ZBTB4: variants seen among roughly 807,000 people sequenced by gnomAD.
The protein encoded by ZBTB4 is zinc finger and BTB domain-containing protein 4.
ZBTB4 carries 14 observed loss-of-function variants against 59.8 expected under a neutral mutation model. The ratio of observed to expected loss-of-function variants is 0.23; its 90% CI spans 0.15 to 0.37. The LOEUF (loss-of-function observed/expected upper bound fraction) is 0.37, where lower values mean the gene tolerates loss of function less well. Among genes scored for constraint, ZBTB4 ranks in the 10% least tolerant of loss-of-function variants. ZBTB4 has a pLI of 1.00. For missense variants in ZBTB4, 1,198 were observed against 1,380.8 expected, an observed-to-expected ratio of 0.87 and a Z score of 2.10; for synonymous variants, 587 against 575.2, an observed-to-expected ratio of 1.02 and a Z score of -0.29.
upstream of ZBTB4, chr17:7,482,131 G>A: frequency 6.2e-7 from 1 of 1,614,162 alleles, no homozygotes; most frequent in South Asian, 1.1e-5. Context: ...GTGGGGGCCT[G>A]CCTGCTGGCT....
chr17:7,471,202 G>A (rs1322618648), intron 1 of ZBTB4, among the ~76,000 whole-genome samples: 1 of 148,868 alleles, frequency 6.7e-6, no homozygotes, highest in Admixed American at 6.7e-5. Context: ...TTTTTTTTTT[G>A]AGACAGGGTC....
chr17:7,482,510 G>A (rs768682795), upstream of ZBTB4: 9 of 1,613,534 alleles, frequency 5.6e-6, no homozygotes, highest in South Asian at 9.9e-5. Context: ...TGTGGGACCT[G>A]GACTCTGGAC....
upstream of ZBTB4, among the ~76,000 whole-genome samples, chr17:7,480,047 CA>C (rs2070324043): frequency 6.6e-6 from 1 of 152,036 alleles, no homozygotes; most frequent in African/African-American, 2.4e-5. Flanking sequence ...TCGGCACACT[CA>C]AAGAGGGCCA....
chr17:7,476,949 C>T (rs926226505), intron 1 of ZBTB4, among the ~76,000 whole-genome samples: 46 of 152,158 alleles, frequency 3.0e-4, no homozygotes, highest in African/African-American at 1.1e-3. Context: ...CCTGATTGCC[C>T]GGGTTCAAAT....
Position 7,461,790 on chromosome 17 carries a change from AAGC to A in ZBTB4, c.*147_*149del. 1.7e-6 allele frequency: 1 copy of A among 600,054 alleles called. No individual in the cohort carries two copies. Among genetic ancestry groups the A allele is most frequent in the Non-Finnish European group, 2.9e-6 (1 of 347,564 alleles). The allele number at this position is 600,054 out of a possible 1,614,324, so 37.2% of individuals were successfully genotyped here. On this transcript the variant is annotated 3_prime_UTR_variant, in exon 4 of 4. Transcript: ENST00000380599. ...AGATGGGAAAACTACATCTCACACAAAGCAGCCTGACCCCTGAGCTCCAGGGGC... is the reference window on the plus strand; with the variant it reads ...AGATGGGAAAACTACATCTCACACAAAGCCTGACCCCTGAGCTCCAGGGGC...
rs1292479013 is a variant in ZBTB4, at chr17:7,463,595, G to C, written c.1387C>G (p.Pro463Ala). Residue 463 changes from proline to alanine, a missense_variant, in exon 4 of 4, where the codon CCA becomes GCA. Coordinates refer to ENST00000380599, the MANE Select transcript of ZBTB4 (RefSeq NM_001128833.2). ...ACAGAGGGTGGAGGGCCAGGCTCTG[G>C]GGCAGGTGGAGGCCCAGGCGGCGGG... The part of the protein sequence containing the change: ...ASPPPGPPPA[P>A]EPGPPPSVIT... 6.2e-7 allele frequency: 1 copy of C among 1,600,926 alleles called. No individual in the cohort carries two copies. The highest frequency in any genetic ancestry group is 8.5e-7 in the Non-Finnish European group (1 of 1,173,656).
Position 7,459,473 on chromosome 17 carries a change from C to T in ZBTB4, c.*2467G>A, listed in dbSNP as rs2069987706. On this transcript the variant is annotated 3_prime_UTR_variant, in exon 4 of 4. Coordinates refer to ENST00000380599, the MANE Select transcript of ZBTB4 (RefSeq NM_001128833.2). ...CAGTTTCTCTAAATCTGGGTCCTCACTACGTATAGAGCTAGTCTGTAGAAT... is the reference window on the plus strand; with the variant it reads ...CAGTTTCTCTAAATCTGGGTCCTCATTACGTATAGAGCTAGTCTGTAGAAT... The T allele has an allele frequency of 6.6e-6, 1 of 152,598 alleles. No homozygotes were observed. Among genetic ancestry groups the T allele is most frequent in the South Asian group, 2.1e-4 (1 of 4,834 alleles). 9.5% of individuals were successfully genotyped at this position (152,598 alleles called of 1,614,324 possible). A position where few individuals can be genotyped will look rare whatever the true frequency, so the allele number is the denominator to read the frequency against.
At chr17:7,464,730 C>T (rs1459707754) in intron 3 of ZBTB4, among the ~76,000 whole-genome samples, 8 of 150,768 alleles carry the variant, frequency 5.3e-5, no homozygotes, top group African/African-American at 1.7e-4. Flanking sequence ...CCCAGATACT[C>T]GGGAAGCTGA....
rs763753576 is a variant in ZBTB4, at chr17:7,466,175, T to G, written c.627A>C (p.Pro209=). ...CCCTGTCACCCTCCCACTCCCCAGC[T>G]GGCCTGGGCCCGGGCCCAAAGCTGT... ...EEDSFGPGPR[P]AGEWEGDRAE... is the part of the protein sequence containing the mutation. Residue 209 remains proline, a synonymous_variant, in exon 3 of 4, where the codon CCA becomes CCC. Coordinates refer to ENST00000380599, the MANE Select transcript of ZBTB4 (RefSeq NM_001128833.2). This position sits in a 1 kb window ranked among gnomAD's most constrained non-coding sequence, Gnocchi z 9.1. The G allele has an allele frequency of 8.7e-5, 140 of 1,612,988 alleles. No individual in the cohort carries two copies. Among genetic ancestry groups the G allele is most frequent in the Non-Finnish European group, 9.3e-6 (11 of 1,179,850 alleles).
In ZBTB4 at chr17:7,462,851, G is replaced by T; in HGVS notation, c.2131C>A (p.Pro711Thr). 6.2e-7 allele frequency: 1 copy of T among 1,604,544 alleles called. No homozygotes were observed. Among genetic ancestry groups the T allele is most frequent in the South Asian group, 1.1e-5 (1 of 91,066 alleles). Residue 711 changes from proline (P) to threonine (T), a missense_variant, in exon 4 of 4, where the codon CCA (proline) becomes ACA (threonine). By Grantham distance (38) the Pro-to-Thr change is conservative. This residue lies in a region of ZBTB4 where 550 missense variants were observed against 541.8 expected (regional missense o/e 1.02). Coordinates refer to ENST00000380599, the MANE Select transcript of ZBTB4 (RefSeq NM_001128833.2). The surrounding 1 kb of genome is among the most constrained non-coding windows in gnomAD (Gnocchi z 7.5). ...KLERRSWEET[P>T]AAESPAGRAR... ...CGTCCCGCTGGGCTCTCGGCCGCTG[G>T]GGTTTCCTCCCAGCTCCTCCGTTCC...
chr17:7,477,240 C>T (rs1271251485), intron 1 of ZBTB4, among the ~76,000 whole-genome samples: 2 of 152,224 alleles, frequency 1.3e-5, no homozygotes, highest in African/African-American at 2.4e-5. Context: ...AGACTATAGC[C>T]ACTTTCCGGG....
At position 7,462,803 on chromosome 17, in the gene ZBTB4, G is replaced by A. The variant is rs1455015926; in HGVS notation, c.2179C>T (p.Arg727Ter). Residue 727 changes from arginine to a stop codon, truncating the protein, a stop_gained, in exon 4 of 4, where the codon CGA becomes TGA. Coordinates refer to ENST00000380599, the MANE Select transcript of ZBTB4 (RefSeq NM_001128833.2). LOFTEE classifies it high-confidence loss of function. The surrounding 1 kb of genome is among the most constrained non-coding windows in gnomAD (Gnocchi z 7.5). ...AGRARTERRHRCGDCAQTFTT... is the reference protein window; with the variant it reads ...AGRARTERRH ...AAGGTCTGGGCACAGTCCCCGCATC[G>A]GTGCCTCCGCTCTGTGCGGGCACGT... 2 of 1,602,592 alleles carry A rather than the reference G, an allele frequency of 1.2e-6. No homozygotes were observed. The highest frequency in any genetic ancestry group is 1.1e-5 in the South Asian group (1 of 91,078).
In ZBTB4 at chr17:7,462,413, C is replaced by G; in HGVS notation, c.2569G>C (p.Glu857Gln). The change falls in exon 4 of 4, where the codon GAG becomes CAG. Residue 857 changes from glutamate to glutamine, a missense_variant. Glu to Gln is a conservative substitution (Grantham distance 29). Around this residue, in one of 9 missense-constraint regions of ZBTB4, gnomAD observed 211 missense variants for 236.1 expected, o/e 0.89. Transcript: ENST00000380599. This position sits in a 1 kb window ranked among gnomAD's most constrained non-coding sequence, Gnocchi z 7.5. ...CCCCCGCTTGCCACTACTGGGGGCT[C>G]CTCACCCCCTGAAATGATAGGGTCC... ...LQDPIISGGE[E>Q]PPVVASGGSY... 6.2e-7 allele frequency: 1 copy of G among 1,613,936 alleles called. No homozygotes were observed. Among genetic ancestry groups the G allele is most frequent in the Non-Finnish European group, 8.5e-7 (1 of 1,180,004 alleles).
chr17:7,464,490 C>T lies in ZBTB4; in HGVS notation c.1092-600G>A, dbSNP rs368690881. ...GAACTGGGGCTGGAGGGAGGCAGAC[C>T]GGTGAGTGGTGGTGAGCAGGGGCCT... On this transcript the variant is annotated intron_variant, in intron 3 of 3. Coordinates refer to ENST00000380599, the MANE Select transcript of ZBTB4 (RefSeq NM_001128833.2). Among the ~76,000 whole-genome samples the T allele has an allele frequency of 3.0e-4, 44 of 149,056 alleles. No homozygotes were observed. The East Asian group carries it at 3.4e-3, about 11-fold the overall frequency.
At chr17:7,467,163 A>T in intron 2 of ZBTB4, 94 bp downstream of exon 2, 1 of 1,080,086 alleles carries the variant, frequency 9.3e-7, no homozygotes, top group South Asian at 3.9e-5. Flanking sequence ...GCCATTTCAC[A>T]GAACTCCCCA....
At chr17:7,479,867 AGGGG>A, upstream of ZBTB4, among the ~76,000 whole-genome samples, 1 of 151,812 alleles carries the variant, frequency 6.6e-6, no homozygotes, top group Non-Finnish European at 1.5e-5. Context: ...GCATCCCGGC[AGGGG>A]CGCAAGACCA....
At chr17:7,476,154 C>T (rs1210875722) in intron 1 of ZBTB4, among the ~76,000 whole-genome samples, 1 of 152,192 alleles carries the variant, frequency 6.6e-6, no homozygotes, top group Non-Finnish European at 1.5e-5. Context: ...GGCTTACCTT[C>T]CTCCATCCAG....
In ZBTB4 at chr17:7,460,707, T is replaced by C. The variant is rs2070008506; in HGVS notation, c.*1233A>G. 1 of 152,614 alleles carries C rather than the reference T, an allele frequency of 6.6e-6. No homozygotes were observed. Among genetic ancestry groups the C allele is most frequent in the South Asian group, 2.1e-4 (1 of 4,832 alleles). 9.5% of individuals were successfully genotyped at this position (152,614 alleles called of 1,614,324 possible). A position where few individuals can be genotyped will look rare whatever the true frequency, so the allele number is the denominator to read the frequency against. Reference sequence around the variant, plus strand: ...AGGGTTAACTAGTGCAAATTAGGGATTAGGGACTATTTAAAGTCCCTGTAC... The same window carrying C: ...AGGGTTAACTAGTGCAAATTAGGGACTAGGGACTATTTAAAGTCCCTGTAC... On this transcript the variant is annotated 3_prime_UTR_variant, in exon 4 of 4. Coordinates refer to ENST00000380599, the MANE Select transcript of ZBTB4 (RefSeq NM_001128833.2).
At chr17:7,476,112 G>A (rs2070265830) in intron 1 of ZBTB4, among the ~76,000 whole-genome samples, 1 of 152,154 alleles carries the variant, frequency 6.6e-6, no homozygotes, top group Non-Finnish European at 1.5e-5. Context: ...GTGGTCCAAG[G>A]TTATGGCCTC....
Sources: allele counts gnomAD v4.1 joint callset (sites outside exome capture counted in the v4.1 genomes callset), GRCh38; gene constraint gnomAD v4.1.1; regional missense constraint gnomAD v4.1.1; non-coding constraint Gnocchi (gnomAD v3.1); transcripts MANE v1.5; gene names NCBI Gene and HGNC (gene_info 2026-07-23, HGNC 2026-07-21).